Variants in WIPF1 observed in about 807,000 individuals in gnomAD.
The protein encoded by WIPF1 is WAS/WASL-interacting protein family member 1.
WIPF1 carries 13 observed loss-of-function variants against 35.4 expected under a neutral mutation model. The observed-to-expected ratio is 0.37, with a 90% CI of 0.24 to 0.58. The LOEUF is 0.58. Ranked by LOEUF, WIPF1 falls within the 20% of genes least tolerant of loss-of-function variation. The pLI is 0.74. For missense variants in WIPF1, 591 were observed against 667.0 expected (o/e 0.89, Z 1.25); for synonymous variants, 267 against 266.3 (o/e 1.00, Z -0.02).
At chr2:174,610,053 CT>C (rs1437235158) in intron 1 of WIPF1, among the ~76,000 whole-genome samples, 1 of 152,190 alleles carries the variant, frequency 6.6e-6, no homozygotes, top group Non-Finnish European at 1.5e-5. Context: ...TCTCATTCAG[CT>C]TCTCTGGATT....
chr2:174,680,292 T>G (rs1340093733), intron 1 of WIPF1, among the ~76,000 whole-genome samples: 2 of 152,232 alleles, frequency 1.3e-5, no homozygotes, highest in African/African-American at 4.8e-5. Flanking sequence ...TCTGGCTTGA[T>G]TCCAACTGTG....
chr2:174,620,449 T>C (rs1270368305), intron 1 of WIPF1, among the ~76,000 whole-genome samples: 2 of 152,260 alleles, frequency 1.3e-5, no homozygotes, highest in Non-Finnish European at 2.9e-5. Context: ...CTAAACTCTA[T>C]TTTATCTTCA....
At chr2:174,611,029 GC>G (rs1686327433) in intron 1 of WIPF1, among the ~76,000 whole-genome samples, 2 of 152,326 alleles carry the variant, frequency 1.3e-5, no homozygotes, top group South Asian at 4.1e-4. Context: ...GAGCAGCTGT[GC>G]TAGGGCTCCA....
intron 1 of WIPF1, among the ~76,000 whole-genome samples, chr2:174,608,113 C>T (rs566777799): frequency 4.6e-5 from 7 of 152,276 alleles, no homozygotes; most frequent in African/African-American, 1.7e-4. Flanking sequence ...TTTAACGACT[C>T]TTTCTCACGC....
intron 1 of WIPF1, among the ~76,000 whole-genome samples, chr2:174,672,881 C>T (rs1414411837): frequency 6.6e-6 from 1 of 152,184 alleles, no homozygotes; most frequent in Non-Finnish European, 1.5e-5. Context: ...CTGCCTTTAA[C>T]AGAGGACGCA....
At position 174,622,803 on chromosome 2, in the gene WIPF1, G is replaced by A. The variant is rs1179107266; in HGVS notation, c.-38-37192C>T. Among the ~76,000 whole-genome samples the A allele has an allele frequency of 1.3e-5, 2 of 152,134 alleles. No individual in the cohort carries two copies. Among genetic ancestry groups the A allele is most frequent in the African/African-American group, 4.8e-5 (2 of 41,416 alleles). On this transcript the variant is annotated intron_variant, in intron 1 of 8. Transcript: ENST00000272746. The surrounding 1 kb of genome is among the most constrained non-coding windows in gnomAD (Gnocchi z 5.1). ...TAATTTTTGTGGGTACACAGTCTTT[G>A]TTTTGATTTTCCAGAGGTTACAGAG...
intron 5 of WIPF1, among the ~76,000 whole-genome samples, chr2:174,568,430 T>G (rs1213537634): frequency 6.6e-6 from 1 of 152,240 alleles, no homozygotes; most frequent in Non-Finnish European, 1.5e-5. Context: ...TTGAACTAAT[T>G]ACTGTGACAT....
rs1305378929 is a variant in WIPF1, at chr2:174,567,122, A to G, written c.1404T>C (p.Tyr468=). Reference sequence around the variant, plus strand: ...TGGGATAACTTTTGGTCGTTTGTACATATGGCTCTGGAGGTGGCAAATCGG... The same window carrying G: ...TGGGATAACTTTTGGTCGTTTGTACGTATGGCTCTGGAGGTGGCAAATCGG... ...PISDLPPPEP[Y]VQTTKSYPSK... Residue 468 remains tyrosine (Y), a synonymous_variant, in exon 7 of 8, where the codon TAT becomes TAC. Transcript: ENST00000679041. 11 of 1,614,240 alleles carry G rather than the reference A, an allele frequency of 6.8e-6. No individual in the cohort carries two copies. Among genetic ancestry groups the G allele is most frequent in the South Asian group, 2.2e-5 (2 of 91,088 alleles).
intron 4 of WIPF1, chr2:174,574,994 G>A (rs1309413719): frequency 1.7e-5 from 14 of 800,026 alleles, no homozygotes; most frequent in Non-Finnish European, 2.7e-5. Context: ...AAGACACTGG[G>A]TGAAAATTTC....
intron 1 of WIPF1, among the ~76,000 whole-genome samples, chr2:174,662,649 C>T (rs750583298): frequency 1.3e-5 from 2 of 152,210 alleles, no homozygotes; most frequent in Non-Finnish European, 2.9e-5. Flanking sequence ...CAGCCCGTCA[C>T]GGCAGCAACC....
intron 1 of WIPF1, among the ~76,000 whole-genome samples, chr2:174,588,174 T>C (rs1339753566): frequency 6.6e-6 from 1 of 152,196 alleles, no homozygotes; most frequent in Admixed American, 6.5e-5. Context: ...ATCAATGGTA[T>C]GATCAGAGTT....
intron 1 of WIPF1, among the ~76,000 whole-genome samples, chr2:174,595,310 A>AC (rs1685785537): frequency 6.8e-6 from 1 of 146,008 alleles, no homozygotes; most frequent in Non-Finnish European, 1.5e-5. Flanking sequence ...AAAAAAAAAA[A>AC]CAGAAAAGAA....
chr2:174,591,981 A>C (rs895955214), intron 1 of WIPF1, among the ~76,000 whole-genome samples: 2 of 152,224 alleles, frequency 1.3e-5, no homozygotes, highest in African/African-American at 4.8e-5. Flanking sequence ...TGGCATGGCC[A>C]ACTAGAGGTC....
At chr2:174,676,143 TAG>T (rs921567513) in intron 1 of WIPF1, among the ~76,000 whole-genome samples, 1 of 151,012 alleles carries the variant, frequency 6.6e-6, no homozygotes, top group African/African-American at 2.4e-5. Flanking sequence ...GTATTTTTTG[TAG>T]AGACTGGGTC....
At position 174,666,660 on chromosome 2, in the gene WIPF1, TAAG is replaced by T. The variant is rs1223627831; in HGVS notation, c.-39+16111_-39+16113del. Among the ~76,000 whole-genome samples the T allele has an allele frequency of 3.9e-5, 6 of 152,210 alleles. No homozygotes were observed. The East Asian group carries it at 1.2e-3, about 29-fold the overall frequency. On this transcript the variant is annotated intron_variant, in intron 1 of 8. Transcript: ENST00000272746. The stretch of plus-strand genomic sequence containing the variant: ...AGGCCCCTCCACATTCCTTGACCAC[TAAG>T]AAGGAGAGCTGGAAGCCACTTTCTG...
chr2:174,571,536 G>A lies in WIPF1; in HGVS notation c.1129+140C>T, dbSNP rs752604993. 7.7e-6 allele frequency: 9 copies of A among 1,167,304 alleles called. No individual in the cohort carries two copies. Among genetic ancestry groups the A allele is most frequent in the Non-Finnish European group, 1.2e-5 (9 of 775,040 alleles). 72.3% of individuals were successfully genotyped at this position (1,167,304 alleles called of 1,614,324 possible). The stretch of plus-strand genomic sequence containing the variant: ...GGTTTACACGAGGTCACGATCACAC[G>A]TGTCGTGTGCCACTTAAAAGCACAA... On this transcript the variant is annotated intron_variant, in intron 5 of 7. Transcript: ENST00000679041. This position sits in a 1 kb window ranked among gnomAD's most constrained non-coding sequence, Gnocchi z 4.6.
chr2:174,605,230 C>T (rs996814583), intron 1 of WIPF1, among the ~76,000 whole-genome samples: 3 of 152,080 alleles, frequency 2.0e-5, no homozygotes, highest in African/African-American at 4.8e-5. Flanking sequence ...ATCAGGAGTT[C>T]GAGACCAATC....
chr2:174,618,647 G>C (rs539458984), intron 1 of WIPF1, among the ~76,000 whole-genome samples: 1 of 152,316 alleles, frequency 6.6e-6, no homozygotes, highest in Non-Finnish European at 1.5e-5. Flanking sequence ...TCACAACCCT[G>C]TAAGATACAT....
intron 1 of WIPF1, chr2:174,655,697 G>A (rs1687625942): frequency 1.3e-5 from 2 of 152,204 alleles, no homozygotes; most frequent in Non-Finnish European, 2.9e-5. Flanking sequence ...GTCCAGGCCT[G>A]GGTTATGTAC....
Sources: allele counts gnomAD v4.1 joint callset (sites outside exome capture counted in the v4.1 genomes callset), GRCh38; gene constraint gnomAD v4.1.1; non-coding constraint Gnocchi (gnomAD v3.1); transcripts MANE v1.5; gene names NCBI Gene and HGNC (gene_info 2026-07-23, HGNC 2026-07-21).